Variants in EIF4G3 observed in about 807,000 individuals in gnomAD.
EIF4G3 encodes the protein eukaryotic translation initiation factor 4 gamma 3.
In EIF4G3, 34 loss-of-function variants were observed where a neutral mutation model predicts 186.4. The observed-to-expected ratio is 0.18, with a 90% confidence interval of 0.14 to 0.24. The LOEUF (loss-of-function observed/expected upper bound fraction) is 0.24, where lower values mean the gene tolerates loss of function less well. EIF4G3 is among the 10% of genes least tolerant of loss of function. The pLI is 1.00. For synonymous variants in EIF4G3, 673 were observed against 679.5 expected (o/e 0.99, Z 0.15); for missense variants, 1,536 against 1,948.5 (o/e 0.79, Z 3.99).
chr1:21,080,087 G>T (rs2095719172), intron 3 of EIF4G3, among the ~76,000 whole-genome samples: 2 of 151,676 alleles, frequency 1.3e-5, no homozygotes, highest in African/African-American at 4.9e-5. Flanking sequence ...GGAAACAAAG[G>T]TTGCAGTGAG....
At chr1:21,066,533 G>C (rs1182073262) in intron 3 of EIF4G3, among the ~76,000 whole-genome samples, 1 of 151,988 alleles carries the variant, frequency 6.6e-6, no homozygotes, top group African/African-American at 2.4e-5. Flanking sequence ...TGGCAATTAA[G>C]CAACCACAGA....
chr1:21,111,765 T>C (rs1239893566), intron 2 of EIF4G3, among the ~76,000 whole-genome samples: 1 of 152,234 alleles, frequency 6.6e-6, no homozygotes, highest in Admixed American at 6.5e-5. Flanking sequence ...AACTTTTACA[T>C]GCATTTATTC....
At chr1:20,974,481 C>A (rs979045221) in intron 10 of EIF4G3, among the ~76,000 whole-genome samples, 1 of 152,126 alleles carries the variant, frequency 6.6e-6, no homozygotes, top group African/African-American at 2.4e-5. Flanking sequence ...TTTCAAAGTA[C>A]AAATCACCAG....
chr1:21,111,746 T>C (rs7532667), intron 2 of EIF4G3: 52,812 of 158,244 alleles, frequency 0.33, 9,601 homozygotes, highest in Non-Finnish European at 0.41. Context: ...TTTGCTACTT[T>C]GCATGGTGAA....
chr1:21,009,836 G>A (rs992910551), intron 4 of EIF4G3, among the ~76,000 whole-genome samples: 6 of 151,948 alleles, frequency 3.9e-5, no homozygotes, highest in African/African-American at 1.5e-4. Flanking sequence ...TCTATTTTTA[G>A]TAGAGACGGG....
intron 4 of EIF4G3, among the ~76,000 whole-genome samples, chr1:21,009,834 T>C (rs1175442881): frequency 6.6e-6 from 1 of 152,002 alleles, no homozygotes; most frequent in Non-Finnish European, 1.5e-5. Context: ...TTTCTATTTT[T>C]AGTAGAGACG....
chr1:20,944,351 C>CA (rs1558366956), intron 13 of EIF4G3, among the ~76,000 whole-genome samples: 1 of 151,746 alleles, frequency 6.6e-6, no homozygotes, highest in East Asian at 1.9e-4. Flanking sequence ...CTTTTGTCTA[C>CA]AAAAAATTAA....
At chr1:21,012,000 C>A (rs1557499618) in intron 4 of EIF4G3, among the ~76,000 whole-genome samples, 1 of 152,044 alleles carries the variant, frequency 6.6e-6, no homozygotes, top group Non-Finnish European at 1.5e-5. Flanking sequence ...AGATACAATG[C>A]ACATAGGATT....
At chr1:20,928,120 C>A (rs1305510744) in intron 14 of EIF4G3, among the ~76,000 whole-genome samples, 2 of 151,962 alleles carry the variant, frequency 1.3e-5, no homozygotes, top group Admixed American at 6.5e-5. Context: ...GCTGAGAACA[C>A]CCTCTCAAAC....
At chr1:20,998,768 G>A (rs2082850540) in intron 6 of EIF4G3, 2 of 369,798 alleles carry the variant, frequency 5.4e-6, no homozygotes, top group African/African-American at 4.2e-5. Context: ...GTTAGCTATT[G>A]TAATGTTAAC....
intron 14 of EIF4G3, among the ~76,000 whole-genome samples, chr1:20,926,073 T>C (rs1293809257): frequency 6.6e-6 from 1 of 152,242 alleles, no homozygotes; most frequent in Admixed American, 6.5e-5. Flanking sequence ...CATATAAAAA[T>C]ATCTTATTTT....
At chr1:21,112,416 G>A (rs7543385) in intron 2 of EIF4G3, among the ~76,000 whole-genome samples, 1 of 151,988 alleles carries the variant, frequency 6.6e-6, no homozygotes, top group African/African-American at 2.4e-5. Flanking sequence ...GCAAAACAGT[G>A]AACTACATTA....
chr1:21,062,596 T>G (rs1447465321), intron 3 of EIF4G3, among the ~76,000 whole-genome samples: 1 of 152,060 alleles, frequency 6.6e-6, no homozygotes, highest in Non-Finnish European at 1.5e-5. Context: ...GATATAGATA[T>G]ACCTATTTTT....
At chr1:20,824,316 C>G (rs181990330) in intron 33 of EIF4G3, among the ~76,000 whole-genome samples, 237 of 152,286 alleles carry the variant, frequency 1.6e-3, no homozygotes, top group Middle Eastern at 3.4e-3. Context: ...ATATCTTTAT[C>G]CAGAACAAAA....
rs755996348 is a variant in EIF4G3 at position 20,980,411 on chromosome 1, T to TG, written c.415dup (p.Gln139ProfsTer70). 8.4e-6 allele frequency: 13 copies of TG among 1,543,304 alleles called. No individual in the cohort carries two copies. The highest frequency in any genetic ancestry group is 2.4e-5 in the Admixed American group (1 of 41,620). On this transcript the variant is annotated frameshift_variant, in exon 10 of 37. Coordinates refer to ENST00000602326, the MANE Select transcript of EIF4G3 (RefSeq NM_001391906.1). LOFTEE classifies it high-confidence loss of function. The stretch of plus-strand genomic sequence containing the variant: ...CCCCGGTGGTTGAACTGGATATTGT[T>TG]GGGGGGGCCCAACATAAGGAGGGCC...
chr1:20,845,028 A>C (rs1024296606), intron 29 of EIF4G3, among the ~76,000 whole-genome samples: 6 of 152,150 alleles, frequency 3.9e-5, no homozygotes, highest in African/African-American at 1.2e-4. Context: ...TGGCATCTTC[A>C]TCATGAAATC....
At chr1:21,076,765 T>A (rs956073160) in intron 3 of EIF4G3, among the ~76,000 whole-genome samples, 2 of 152,184 alleles carry the variant, frequency 1.3e-5, no homozygotes, top group South Asian at 4.1e-4. Context: ...TAGATCCCTA[T>A]CTCTAACCAT....
intron 30 of EIF4G3, among the ~76,000 whole-genome samples, chr1:20,840,235 T>C (rs1479631307): frequency 1.3e-5 from 2 of 152,248 alleles, no homozygotes. Context: ...CTTGTGATGA[T>C]GGTATATCAC....
At chr1:20,864,447 C>T (rs780721413) in intron 22 of EIF4G3, 29 bp downstream of exon 22, 50 of 1,557,916 alleles carry the variant, frequency 3.2e-5, no homozygotes, top group African/African-American at 9.5e-5. Context: ...GGAGCCTTTG[C>T]GAAGGTTTCT....
Sources: gnomAD v4.1 joint callset for allele counts (sites outside exome capture counted in the v4.1 genomes callset) on GRCh38, gnomAD v4.1.1 for gene constraint, MANE v1.5 for transcripts, NCBI Gene and HGNC (gene_info 2026-07-23, HGNC 2026-07-21) for gene names.